Variants in CNTN4 observed in about 807,000 individuals in gnomAD.
CNTN4 encodes contactin-4.
A neutral mutation model predicts 122.5 loss-of-function variants in CNTN4; 77 were observed. The ratio of observed to expected loss-of-function variants is 0.63; its 90% confidence interval spans 0.52 to 0.76. CNTN4 has a LOEUF of 0.76. Ranked by LOEUF, CNTN4 falls within the 30% of genes least tolerant of loss-of-function variation. CNTN4 has a pLI of 0.00. For missense variants in CNTN4, 1,256 were observed against 1,259.1 expected, an observed-to-expected ratio of 1.00 and a Z score of 0.04; for synonymous variants, 512 against 447.0, an observed-to-expected ratio of 1.15 and a Z score of -1.83.
intron 12 of CNTN4, among the ~76,000 whole-genome samples, chr3:2,913,203 A>G (rs967473618): frequency 1.3e-5 from 2 of 152,206 alleles, no homozygotes; most frequent in Non-Finnish European, 2.9e-5. Context: ...AAATCGAGGA[A>G]TAAAAATCTC....
intron 3 of CNTN4, among the ~76,000 whole-genome samples, chr3:2,541,464 G>C (rs1211608209): frequency 1.3e-5 from 2 of 152,080 alleles, no homozygotes; most frequent in Non-Finnish European, 2.9e-5. Context: ...TATAGGACAG[G>C]CAGGGTTTAT....
intron 3 of CNTN4, among the ~76,000 whole-genome samples, chr3:2,432,060 CA>C (rs1472947049): frequency 6.6e-6 from 1 of 152,226 alleles, no homozygotes; most frequent in Non-Finnish European, 1.5e-5. Context: ...TCTCACTGCA[CA>C]AACAATGAGC....
rs67019083 is a variant in CNTN4, at chr3:2,384,761, C to CGTGTGT, written c.-89+45551_-89+45556dup. Among the ~76,000 whole-genome samples the CGTGTGT allele has an allele frequency of 6.3e-3, 934 of 147,896 alleles. 2 individuals carry two copies. Among genetic ancestry groups the CGTGTGT allele is most frequent in the African/African-American group, 0.021 (841 of 40,238 alleles). Reference sequence around the variant, plus strand: ...TACACCAGTAACAACTCAATGTGTGCGTGTGTGTGTGTGTGTGTGTGTGTG... The same window carrying CGTGTGT: ...TACACCAGTAACAACTCAATGTGTGCGTGTGTGTGTGTGTGTGTGTGTGTGTGTGTG... On this transcript the variant is annotated intron_variant, in intron 3 of 24. Coordinates refer to ENST00000418658, the MANE Select transcript of CNTN4 (RefSeq NM_175607.3).
intron 4 of CNTN4, among the ~76,000 whole-genome samples, chr3:2,707,818 A>C (rs2086834677): frequency 6.6e-6 from 1 of 152,132 alleles, no homozygotes; most frequent in African/African-American, 2.4e-5. Context: ...ACATTTAAAT[A>C]AGTTAAAATA....
At chr3:2,358,961 ACT>A (rs2150521367) in intron 3 of CNTN4, among the ~76,000 whole-genome samples, 2 of 152,290 alleles carry the variant, frequency 1.3e-5, no homozygotes, top group African/African-American at 4.8e-5. Flanking sequence ...TGCAGAGTGT[ACT>A]TTTTCCTGGC....
intron 4 of CNTN4, among the ~76,000 whole-genome samples, chr3:2,659,416 C>T (rs1488306735): frequency 7.6e-6 from 1 of 131,592 alleles, no homozygotes; most frequent in Non-Finnish European, 1.5e-5. Flanking sequence ...GAGCCGAGAT[C>T]ACATCACTGC....
In CNTN4 at chr3:2,340,715, A is replaced by AGAGAGAGAGAGAGAGAGGGG. The variant is rs1246363889; in HGVS notation, c.-89+1499_-89+1500insGGGGAGAGAGAGAGAGAGAG. Among the ~76,000 whole-genome samples, 16 of 129,458 alleles carry AGAGAGAGAGAGAGAGAGGGG rather than the reference A, an allele frequency of 1.2e-4. No homozygotes were observed. The South Asian group carries it at 1.4e-3, about 11-fold the overall frequency. 84.9% of individuals were successfully genotyped at this position (129,458 alleles called of 152,430 possible). A position where few individuals can be genotyped will look rare whatever the true frequency, so the allele number is the denominator to read the frequency against. ...TATATATATATATATATATATAGAGAGAGAGAGAGAGAGAGAGAGAGAGAG... is the reference window on the plus strand; with the variant it reads ...TATATATATATATATATATATAGAGAGAGAGAGAGAGAGAGAGGGGGAGAGAGAGAGAGAGAGAGAGAGAG... On this transcript the variant is annotated intron_variant, in intron 3 of 24. Transcript: ENST00000418658.
intron 2 of CNTN4, among the ~76,000 whole-genome samples, chr3:2,190,993 C>A (rs566777234): frequency 2.6e-4 from 40 of 152,260 alleles, no homozygotes; most frequent in African/African-American, 8.9e-4. Context: ...CCTTGAAAGT[C>A]TTGAGTTTTC....
chr3:2,121,015 G>T (rs12493006), intron 2 of CNTN4, among the ~76,000 whole-genome samples: 2 of 151,802 alleles, frequency 1.3e-5, no homozygotes, highest in African/African-American at 4.8e-5. Flanking sequence ...GGCTTTCTCT[G>T]CATCTGAAGC....
chr3:2,291,544 T>C (rs2042135266), intron 2 of CNTN4, among the ~76,000 whole-genome samples: 2 of 152,240 alleles, frequency 1.3e-5, no homozygotes, highest in South Asian at 2.1e-4. Context: ...ATTGAATGCA[T>C]GCTAGCTTTT....
chr3:3,026,104 C>A lies in CNTN4; in HGVS notation c.1489C>A (p.Pro497Thr). ...SSTGNLVVKD[P>T]TRVMVPPSSM... The stretch of plus-strand genomic sequence containing the variant: ...TTTGTTTTGTTTTAACTCTCCAGAT[C>A]CAACAAGGGTAATGGTACCCCCTTC... Residue 497 changes from proline (P) to threonine (T), a missense_variant and splice_region_variant, in exon 15 of 25, where the codon CCA becomes ACA. Physicochemically the swap from Pro to Thr is conservative, Grantham distance 38. Coordinates refer to ENST00000418658, the MANE Select transcript of CNTN4 (RefSeq NM_175607.3). 6.2e-7 allele frequency: 1 copy of A among 1,612,908 alleles called. No homozygotes were observed. The highest frequency in any genetic ancestry group is 8.5e-7 in the Non-Finnish European group (1 of 1,179,134).
intron 2 of CNTN4, among the ~76,000 whole-genome samples, chr3:2,161,210 G>A (rs2035953073): frequency 6.6e-6 from 1 of 152,084 alleles, no homozygotes; most frequent in Non-Finnish European, 1.5e-5. Context: ...GCTGAAGCAA[G>A]GGGATGCTGG....
intron 14 of CNTN4, among the ~76,000 whole-genome samples, chr3:2,992,937 C>G (rs764926701): frequency 4.6e-5 from 7 of 152,162 alleles, no homozygotes; most frequent in Non-Finnish European, 8.8e-5. Context: ...CCTAACAAAT[C>G]TAACTCCTAG....
chr3:2,981,066 G>A (rs1693917856), intron 13 of CNTN4, among the ~76,000 whole-genome samples: 1 of 152,164 alleles, frequency 6.6e-6, no homozygotes, highest in Non-Finnish European at 1.5e-5. Context: ...CACGCTTCCA[G>A]CTTGCTTTGT....
intron 13 of CNTN4, among the ~76,000 whole-genome samples, chr3:2,941,134 T>G (rs1303728943): frequency 6.6e-6 from 1 of 152,188 alleles, no homozygotes; most frequent in Admixed American, 6.5e-5. Context: ...CTATTATCCT[T>G]TCTCATTTTC....
intron 2 of CNTN4, among the ~76,000 whole-genome samples, chr3:2,175,494 T>A (rs2036711280): frequency 6.6e-6 from 1 of 152,232 alleles, no homozygotes; most frequent in African/African-American, 2.4e-5. Context: ...AGAAATTTTA[T>A]TTATCTTATT....
At position 2,268,119 on chromosome 3, in the gene CNTN4, T is replaced by C. The variant is rs779206061; in HGVS notation, c.-144-71059T>C. ...AGCATTTACTATCTGCTCAATATACTTTGCTAGGCATTGTAGCACAATTAA... is the reference window on the plus strand; with the variant it reads ...AGCATTTACTATCTGCTCAATATACCTTGCTAGGCATTGTAGCACAATTAA... On this transcript the variant is annotated intron_variant, in intron 2 of 24. Transcript: ENST00000418658. Among the ~76,000 whole-genome samples, 108 of 152,112 alleles carry C rather than the reference T, an allele frequency of 7.1e-4. 1 individual carries two copies. The highest frequency in any genetic ancestry group is 7.9e-4 in the Admixed American group (12 of 15,238).
At chr3:2,142,150 A>G (rs897153301) in intron 2 of CNTN4, among the ~76,000 whole-genome samples, 2 of 152,238 alleles carry the variant, frequency 1.3e-5, no homozygotes, top group Non-Finnish European at 2.9e-5. Flanking sequence ...CATACAGCCA[A>G]AGAAGGAAGT....
chr3:2,577,117 C>T (rs576870077), intron 4 of CNTN4, among the ~76,000 whole-genome samples: 2 of 152,182 alleles, frequency 1.3e-5, no homozygotes, highest in Non-Finnish European at 2.9e-5. Flanking sequence ...CCCACAATAA[C>T]TCCTTCTACT....
Sources: gnomAD v4.1 joint callset for allele counts (sites outside exome capture counted in the v4.1 genomes callset) on GRCh38, gnomAD v4.1.1 for gene constraint, MANE v1.5 for transcripts, NCBI Gene and HGNC (gene_info 2026-07-23, HGNC 2026-07-21) for gene names.